The following CTNNA3 variants were observed in gnomAD, a reference collection of about 807,000 sequenced individuals.
CTNNA3 encodes the protein catenin alpha-3.
A neutral mutation model predicts 95.7 loss-of-function variants in CTNNA3; 76 were observed. The observed-to-expected ratio is 0.79, with a 90% confidence interval of 0.66 to 0.96. The LOEUF (loss-of-function observed/expected upper bound fraction) is 0.96. Among genes scored for constraint, CTNNA3 ranks in the 40% least tolerant of loss-of-function variants. CTNNA3 has a pLI of 0.00. For synonymous variants in CTNNA3, 431 were observed against 374.4 expected (o/e 1.15, Z -1.74); for missense variants, 1,191 against 1,089.8 (o/e 1.09, Z -1.31).
chr10:66,564,173 T>C (rs1842637783), intron 10 of CTNNA3, among the ~76,000 whole-genome samples: 1 of 152,150 alleles, frequency 6.6e-6, no homozygotes, highest in African/African-American at 2.4e-5. Flanking sequence ...TTTATGCGCT[T>C]ATAATAAGGA....
intron 10 of CTNNA3, among the ~76,000 whole-genome samples, chr10:66,585,056 G>T (rs1226973828): frequency 6.6e-6 from 1 of 152,040 alleles, no homozygotes; most frequent in African/African-American, 2.4e-5. Flanking sequence ...TCTGCAGTTA[G>T]TTTGATTGGT....
intron 3 of CTNNA3, among the ~76,000 whole-genome samples, chr10:67,586,194 T>A (rs1842619689): frequency 6.6e-6 from 1 of 152,056 alleles, no homozygotes; most frequent in Non-Finnish European, 1.5e-5. Flanking sequence ...AGATACTTGA[T>A]ATGATTTCAA....
rs185532503 is a variant in CTNNA3, at chr10:67,567,573, C to T, written c.293-27904G>A. On this transcript the variant is annotated intron_variant, in intron 3 of 17. Coordinates refer to ENST00000433211, the MANE Select transcript of CTNNA3 (RefSeq NM_013266.4). ...TGCAAGTAATAAAATTACAGGTGTACCCCATATATTTGTACAAAGAAAAAT... is the reference window on the plus strand; with the variant it reads ...TGCAAGTAATAAAATTACAGGTGTATCCCATATATTTGTACAAAGAAAAAT... 1.7e-4 allele frequency among the ~76,000 whole-genome samples: 26 copies of T among 152,168 alleles called. No homozygotes were observed. The East Asian group carries it at 3.5e-3, about 20-fold the overall frequency.
intron 7 of CTNNA3, among the ~76,000 whole-genome samples, chr10:67,118,739 A>C (rs767026381): frequency 8.6e-5 from 13 of 151,886 alleles, no homozygotes; most frequent in Non-Finnish European, 1.5e-4. Context: ...TGCCCTAAAA[A>C]CTTAGAAAGC....
intron 13 of CTNNA3, among the ~76,000 whole-genome samples, chr10:66,199,804 T>TATATATA (rs2087262179): frequency 5.6e-5 from 1 of 17,930 alleles, no homozygotes; most frequent in African/African-American, 1.9e-4. Context: ...TATATATATA[T>TATATATA]ATTTTTTTTT....
intron 1 of CTNNA3, among the ~76,000 whole-genome samples, chr10:67,649,926 G>C (rs367882128): frequency 1.3e-5 from 2 of 152,018 alleles, no homozygotes; most frequent in Non-Finnish European, 2.9e-5. Context: ...CACAACCTCC[G>C]CCTCCCAAGT....
At chr10:67,567,900 G>A (rs1400448942) in intron 3 of CTNNA3, among the ~76,000 whole-genome samples, 2 of 152,036 alleles carry the variant, frequency 1.3e-5, no homozygotes, top group Non-Finnish European at 2.9e-5. Flanking sequence ...CCTAAATATG[G>A]GGTTATGGTA....
Position 67,560,838 on chromosome 10 carries a change from C to T in CTNNA3, c.293-21169G>A, listed in dbSNP as rs908918552. Among the ~76,000 whole-genome samples, 9 of 151,918 alleles carry T rather than the reference C, an allele frequency of 5.9e-5. No homozygotes were observed. The South Asian group carries it at 1.2e-3, about 21-fold the overall frequency. The stretch of plus-strand genomic sequence containing the variant: ...ACAAAAAAAGGCAGGGGTTGCAATC[C>T]TAGTCTCTAATAAAACAGACTTTAA... On this transcript the variant is annotated intron_variant, in intron 3 of 17. Transcript: ENST00000433211.
chr10:66,423,582 A>C (rs894486077), intron 11 of CTNNA3, among the ~76,000 whole-genome samples: 1 of 152,142 alleles, frequency 6.6e-6, no homozygotes, highest in Non-Finnish European at 1.5e-5. Flanking sequence ...CCCAAACCAG[A>C]GACATGCCAG....
At chr10:66,100,113 C>T (rs551710301) in intron 14 of CTNNA3, among the ~76,000 whole-genome samples, 54 of 152,038 alleles carry the variant, frequency 3.6e-4, no homozygotes, top group Middle Eastern at 6.8e-3. Flanking sequence ...TATTAGTAAA[C>T]GGAACTGGGA....
chr10:67,226,520 G>T (rs1351580669), intron 5 of CTNNA3, among the ~76,000 whole-genome samples: 3 of 152,178 alleles, frequency 2.0e-5, no homozygotes, highest in Admixed American at 6.5e-5. Flanking sequence ...ATTAACAGCA[G>T]ATTTCTCACC....
chr10:66,070,857 A>T (rs2080421012), intron 14 of CTNNA3, among the ~76,000 whole-genome samples: 1 of 152,160 alleles, frequency 6.6e-6, no homozygotes, highest in Non-Finnish European at 1.5e-5. Flanking sequence ...CATCTCCTTA[A>T]TAACATCTCA....
intron 5 of CTNNA3, among the ~76,000 whole-genome samples, chr10:67,465,925 A>G (rs1847572921): frequency 6.6e-6 from 1 of 152,242 alleles, no homozygotes; most frequent in South Asian, 2.1e-4. Flanking sequence ...TTTTGTTTCA[A>G]TTTGTATAGT....
intron 11 of CTNNA3, among the ~76,000 whole-genome samples, chr10:66,441,883 A>G (rs12263819): frequency 0.12 from 17,845 of 152,244 alleles, 1,518 homozygotes; most frequent in African/African-American, 0.24. Context: ...AAAGCAAAAT[A>G]TAAGAGAAAG....
chr10:66,812,922 A>T (rs917595475), intron 7 of CTNNA3, among the ~76,000 whole-genome samples: 6 of 152,162 alleles, frequency 3.9e-5, no homozygotes, highest in Admixed American at 1.3e-4. Flanking sequence ...CTTGAATATT[A>T]CATAACTTTT....
At chr10:67,538,128 A>C (rs904699449) in intron 4 of CTNNA3, among the ~76,000 whole-genome samples, 7 of 144,804 alleles carry the variant, frequency 4.8e-5, no homozygotes, top group Non-Finnish European at 1.0e-4. Context: ...TGATGACAGC[A>C]ATTCCCTTTC....
At chr10:66,157,484 TA>T (rs113368804) in intron 13 of CTNNA3, among the ~76,000 whole-genome samples, 21 of 107,550 alleles carry the variant, frequency 2.0e-4, no homozygotes, top group South Asian at 1.3e-3. Flanking sequence ...GATAGATAGA[TA>T]GATATGTAGA....
At chr10:66,570,414 C>T (rs1842835798) in intron 10 of CTNNA3, among the ~76,000 whole-genome samples, 1 of 151,922 alleles carries the variant, frequency 6.6e-6, no homozygotes, top group Admixed American at 6.6e-5. Flanking sequence ...TCAGCCTTCC[C>T]AGTAGATGGG....
chr10:66,866,516 T>C (rs1564733081), intron 7 of CTNNA3, among the ~76,000 whole-genome samples: 1 of 152,200 alleles, frequency 6.6e-6, no homozygotes, highest in South Asian at 2.1e-4. Flanking sequence ...ACAATGAATG[T>C]TGACCTAATG....
Sources: allele counts gnomAD v4.1 joint callset (sites outside exome capture counted in the v4.1 genomes callset), GRCh38; gene constraint gnomAD v4.1.1; transcripts MANE v1.5; gene names NCBI Gene and HGNC (gene_info 2026-07-23, HGNC 2026-07-21).